Variants in PTPRD observed in about 807,000 individuals in gnomAD.
The protein encoded by PTPRD is protein tyrosine phosphatase receptor type D.
Under a neutral mutation model 214.5 loss-of-function variants are expected in PTPRD, and 34 were observed. That is an observed-to-expected ratio of 0.16 (90% CI 0.12 to 0.21). The LOEUF is 0.21. Among genes scored for constraint, PTPRD ranks in the 10% least tolerant of loss-of-function variants. The pLI, the probability that PTPRD is intolerant of heterozygous loss-of-function variation, is 1.00. For synonymous variants in PTPRD, 1,128 were observed against 845.7 expected, an observed-to-expected ratio of 1.33 and a Z score of -5.79; for missense variants, 2,545 against 2,398.7, an observed-to-expected ratio of 1.06 and a Z score of -1.27.
At chr9:9,213,594 A>T (rs935750790) in intron 9 of PTPRD, among the ~76,000 whole-genome samples, 6 of 152,120 alleles carry the variant, frequency 3.9e-5, no homozygotes, top group African/African-American at 1.2e-4. Flanking sequence ...GGTTATATTT[A>T]TTACAATTTT....
At chr9:9,985,182 G>T (rs183494096) in intron 4 of PTPRD, among the ~76,000 whole-genome samples, 1 of 152,270 alleles carries the variant, frequency 6.6e-6, no homozygotes, top group African/African-American at 2.4e-5. Context: ...CTCCAATAAG[G>T]TCTGAACCCC....
chr9:9,052,278 T>C (rs933435593), intron 10 of PTPRD, among the ~76,000 whole-genome samples: 4 of 152,142 alleles, frequency 2.6e-5, no homozygotes, highest in African/African-American at 9.7e-5. Flanking sequence ...CCTCCTAATA[T>C]CAACATCTTG....
At chr9:9,155,398 G>T (rs769581466) in intron 10 of PTPRD, among the ~76,000 whole-genome samples, 12 of 152,114 alleles carry the variant, frequency 7.9e-5, no homozygotes, top group Admixed American at 2.6e-4. Flanking sequence ...TACACTTGAG[G>T]GAGGGGTAGG....
intron 7 of PTPRD, among the ~76,000 whole-genome samples, chr9:9,636,023 C>T (rs1258869568): frequency 1.3e-5 from 2 of 152,138 alleles, no homozygotes; most frequent in African/African-American, 2.4e-5. Flanking sequence ...CTTTCTCCAG[C>T]TTCATCTAAA....
chr9:9,833,738 T>C (rs892143109), intron 5 of PTPRD, among the ~76,000 whole-genome samples: 1 of 151,514 alleles, frequency 6.6e-6, no homozygotes. Context: ...TCAGGGACGT[T>C]CCATGCTGAG....
intron 11 of PTPRD, among the ~76,000 whole-genome samples, chr9:8,914,062 G>C (rs549494875): frequency 6.6e-6 from 1 of 152,050 alleles, no homozygotes; most frequent in African/African-American, 2.4e-5. Flanking sequence ...TAATGAATAC[G>C]TACTAAAATT....
chr9:9,348,459 T>C (rs2049787752), intron 9 of PTPRD, among the ~76,000 whole-genome samples: 1 of 152,104 alleles, frequency 6.6e-6, no homozygotes, highest in Non-Finnish European at 1.5e-5. Flanking sequence ...AGTAAAACAG[T>C]AATGTTAAGA....
intron 9 of PTPRD, among the ~76,000 whole-genome samples, chr9:9,230,280 T>C (rs569344167): frequency 6.6e-6 from 1 of 152,182 alleles, no homozygotes; most frequent in Non-Finnish European, 1.5e-5. Context: ...GAGAAAAGAT[T>C]AGGCTAACTA....
intron 39 of PTPRD, among the ~76,000 whole-genome samples, chr9:8,363,101 T>C (rs947673038): frequency 2.0e-5 from 3 of 152,208 alleles, no homozygotes; most frequent in Non-Finnish European, 2.9e-5. Flanking sequence ...CTGGAGACCA[T>C]TCGTGGTCTC....
At position 10,448,801 on chromosome 9, in the gene PTPRD, G is replaced by C. The variant is rs974732281; in HGVS notation, c.-599-107784C>G. 8.6e-5 allele frequency among the ~76,000 whole-genome samples: 13 copies of C among 151,882 alleles called. 2 individuals are homozygous for C. The highest frequency in any genetic ancestry group is 3.2e-4 in the African/African-American group (13 of 41,222). ...GTCCAACGCATCAAATCACACTCAA[G>C]GGCATTTTGCATGCCCAAGAGAAAG... On this transcript the variant is annotated intron_variant, in intron 2 of 45. Transcript: ENST00000381196.
At chr9:9,178,532 T>C (rs1021015483) in intron 10 of PTPRD, among the ~76,000 whole-genome samples, 3 of 152,140 alleles carry the variant, frequency 2.0e-5, no homozygotes, top group African/African-American at 4.8e-5. Context: ...AATCATGGCC[T>C]GGGGTCTTTA....
intron 34 of PTPRD, among the ~76,000 whole-genome samples, chr9:8,439,930 CT>C (rs2095486434): frequency 1.3e-5 from 1 of 79,286 alleles, no homozygotes; most frequent in South Asian, 4.4e-4. Context: ...ACTTGATGTG[CT>C]TTAATTTTTT....
chr9:8,972,117 C>T (rs147497502), intron 11 of PTPRD, among the ~76,000 whole-genome samples: 45 of 151,870 alleles, frequency 3.0e-4, no homozygotes, highest in Non-Finnish European at 5.6e-4. Context: ...GATAGCATTA[C>T]CTCACCCAAT....
chr9:9,613,406 C>T (rs189382318), intron 7 of PTPRD, among the ~76,000 whole-genome samples: 149 of 151,990 alleles, frequency 9.8e-4, no homozygotes, highest in Middle Eastern at 3.4e-3. Context: ...CCTTCACGAT[C>T]ATTGTCCCTG....
chr9:9,893,829 GT>G (rs992029907), intron 5 of PTPRD, among the ~76,000 whole-genome samples: 2 of 151,592 alleles, frequency 1.3e-5, no homozygotes, highest in Non-Finnish European at 2.9e-5. Flanking sequence ...TATGTTTTGA[GT>G]TTTTTTTAGA....
intron 9 of PTPRD, among the ~76,000 whole-genome samples, chr9:9,349,488 A>C (rs905983591): frequency 1.3e-5 from 2 of 152,024 alleles, no homozygotes; most frequent in Admixed American, 1.3e-4. Context: ...TAGAAGTGCC[A>C]CCTAATGTTT....
intron 3 of PTPRD, among the ~76,000 whole-genome samples, chr9:10,141,066 T>G (rs987412285): frequency 1.3e-5 from 2 of 151,702 alleles, no homozygotes; most frequent in African/African-American, 2.4e-5. Flanking sequence ...ATGCTAAAAA[T>G]TCTCAATAAA....
At chr9:9,481,694 G>C (rs913194346) in intron 8 of PTPRD, among the ~76,000 whole-genome samples, 15 of 151,970 alleles carry the variant, frequency 9.9e-5, no homozygotes, top group African/African-American at 3.4e-4. Context: ...AAAATGCCTA[G>C]AGCTCGCAAA....
chr9:10,280,275 T>G (rs764780861), intron 3 of PTPRD, among the ~76,000 whole-genome samples: 1 of 151,982 alleles, frequency 6.6e-6, no homozygotes, highest in East Asian at 1.9e-4. Flanking sequence ...TTACCTGAGG[T>G]TGAAATTTTT....
Sources: allele counts gnomAD v4.1 joint callset (sites outside exome capture counted in the v4.1 genomes callset), GRCh38; gene constraint gnomAD v4.1.1; transcripts MANE v1.5; gene names NCBI Gene and HGNC (gene_info 2026-07-23, HGNC 2026-07-21).